PDGFRL: variants seen among roughly 807,000 people sequenced by gnomAD.
The protein encoded by PDGFRL is platelet derived growth factor receptor like.
A neutral mutation model predicts 37.2 loss-of-function variants in PDGFRL; 46 were observed. The observed-to-expected ratio is 1.24, with a 90% CI of 0.98 to 1.58. PDGFRL has a LOEUF of 1.58. PDGFRL is among the 40% of genes most tolerant of loss of function. The pLI is 0.00. For missense variants in PDGFRL, 692 were observed against 467.6 expected (o/e 1.48, Z -4.43); for synonymous variants, 251 against 184.3 (o/e 1.36, Z -2.93).
Position 17,643,062 on chromosome 8 carries a change from C to A in PDGFRL, c.*261C>A. ...TTCCTAGTTTTTATACATGTGTAAACAATTTTATATAATCAATCATTTCTA... is the reference window on the plus strand; with the variant it reads ...TTCCTAGTTTTTATACATGTGTAAAAAATTTTATATAATCAATCATTTCTA... On this transcript the variant is annotated 3_prime_UTR_variant, in exon 6 of 6. Coordinates refer to ENST00000251630, the MANE Select transcript of PDGFRL (RefSeq NM_001372073.1). 1 of 366,406 alleles carries A rather than the reference C, an allele frequency of 2.7e-6. No homozygotes were observed. Among genetic ancestry groups the A allele is most frequent in the Non-Finnish European group, 4.8e-6 (1 of 206,460 alleles). The allele number at this position is 366,406 out of a possible 1,614,324, so 22.7% of individuals were successfully genotyped here.
chr8:17,589,534 C>T lies in PDGFRL; in HGVS notation c.122C>T (p.Thr41Ile). The T allele has an allele frequency of 6.2e-7, 1 of 1,613,728 alleles. No individual in the cohort carries two copies. Among genetic ancestry groups the T allele is most frequent in the African/African-American group, 1.3e-5 (1 of 75,008 alleles). Reference sequence around the variant, plus strand: ...CCAGGAGAGAATAGAATCAAACCTACCAACAAGAAGGTGAAGCCCAAAATT... The same window carrying T: ...CCAGGAGAGAATAGAATCAAACCTATCAACAAGAAGGTGAAGCCCAAAATT... ...KEPGENRIKP[T>I]NKKVKPKIPK... Residue 41 changes from threonine to isoleucine, a missense_variant, in exon 2 of 6, where the codon ACC (threonine) becomes ATC (isoleucine). Coordinates refer to ENST00000251630, the MANE Select transcript of PDGFRL (RefSeq NM_001372073.1).
At chr8:17,580,325 GAAAA>G (rs71517660) in intron 1 of PDGFRL, among the ~76,000 whole-genome samples, 1 of 149,086 alleles carries the variant, frequency 6.7e-6, no homozygotes, top group African/African-American at 2.5e-5. Flanking sequence ...TTATTTTTGA[GAAAA>G]AAAAAGAGTA....
At chr8:17,623,662 G>T (rs186528334) in intron 3 of PDGFRL, among the ~76,000 whole-genome samples, 1 of 152,196 alleles carries the variant, frequency 6.6e-6, no homozygotes, top group Non-Finnish European at 1.5e-5. Context: ...ATCACCTGAG[G>T]TCAGGAGTTC....
intron 4 of PDGFRL, 133 bp downstream of exon 4, chr8:17,628,913 GTTTTT>G (rs570204623): frequency 1.6e-6 from 1 of 616,308 alleles, no homozygotes; most frequent in African/African-American, 1.9e-5. Context: ...GGTTGTTGTT[GTTTTT>G]TTTTCTCTTT....
intron 1 of PDGFRL, among the ~76,000 whole-genome samples, chr8:17,586,534 C>G (rs989113430): frequency 2.6e-5 from 4 of 152,202 alleles, no homozygotes; most frequent in Non-Finnish European, 4.4e-5. Flanking sequence ...TGTTTTTTCA[C>G]TACCTTCTTG....
chr8:17,598,906 C>G (rs1041047628), intron 2 of PDGFRL, among the ~76,000 whole-genome samples: 1 of 152,144 alleles, frequency 6.6e-6, no homozygotes, highest in Non-Finnish European at 1.5e-5. Flanking sequence ...GTAAGACATC[C>G]CTTGCTCTTC....
At chr8:17,628,913 G>GA (rs1554554659) in intron 4 of PDGFRL, 133 bp downstream of exon 4, 3 of 625,328 alleles carry the variant, frequency 4.8e-6, no homozygotes, top group Non-Finnish European at 8.3e-6. Context: ...GGTTGTTGTT[G>GA]TTTTTTTTTC....
At chr8:17,631,686 G>A (rs368375031) in intron 4 of PDGFRL, among the ~76,000 whole-genome samples, 21 of 152,176 alleles carry the variant, frequency 1.4e-4, no homozygotes, top group African/African-American at 3.6e-4. Context: ...TATTGCCAAG[G>A]TACTCGGGGA....
At chr8:17,640,584 C>G (rs1585340786) in intron 5 of PDGFRL, among the ~76,000 whole-genome samples, 1 of 152,264 alleles carries the variant, frequency 6.6e-6, no homozygotes, top group Middle Eastern at 3.4e-3. Flanking sequence ...TTACTGGGCT[C>G]TGGGCTGGTA....
At chr8:17,592,547 C>A (rs1212910735) in intron 2 of PDGFRL, among the ~76,000 whole-genome samples, 2 of 152,206 alleles carry the variant, frequency 1.3e-5, no homozygotes, top group African/African-American at 4.8e-5. Flanking sequence ...GGAGTCACCT[C>A]TAATCTCGAT....
intron 2 of PDGFRL, among the ~76,000 whole-genome samples, chr8:17,598,420 G>T (rs1238677310): frequency 6.6e-6 from 1 of 152,306 alleles, no homozygotes; most frequent in Middle Eastern, 3.4e-3. Flanking sequence ...TTTATCATCA[G>T]ATTCCTAGCA....
At chr8:17,635,704 T>A (rs1585337010) in intron 5 of PDGFRL, among the ~76,000 whole-genome samples, 1 of 152,212 alleles carries the variant, frequency 6.6e-6, no homozygotes, top group East Asian at 1.9e-4. Flanking sequence ...TCTCCACAGT[T>A]TTCCATAGTG....
At chr8:17,579,479 A>G (rs1197135819) in intron 1 of PDGFRL, among the ~76,000 whole-genome samples, 7 of 151,882 alleles carry the variant, frequency 4.6e-5, no homozygotes. Context: ...AAGGTCCATG[A>G]CTCAACTTGT....
chr8:17,599,790 G>A (rs1804129220), intron 2 of PDGFRL, among the ~76,000 whole-genome samples: 2 of 152,164 alleles, frequency 1.3e-5, no homozygotes, highest in Admixed American at 1.3e-4. Flanking sequence ...ATCACCTTAA[G>A]TTTCTCTGAT....
chr8:17,618,393 C>T (rs2283104), intron 2 of PDGFRL, among the ~76,000 whole-genome samples: 76,836 of 152,064 alleles, frequency 0.51, 20,467 homozygotes, highest in Middle Eastern at 0.63. Flanking sequence ...CTAACTATCC[C>T]CAGTGCTGCA....
At chr8:17,621,812 C>A (rs979813917) in intron 3 of PDGFRL, among the ~76,000 whole-genome samples, 2 of 152,082 alleles carry the variant, frequency 1.3e-5, no homozygotes, top group Non-Finnish European at 2.9e-5. Flanking sequence ...CACTAAAGAC[C>A]TCCCATTTGT....
chr8:17,580,547 A>G (rs1803684561), intron 1 of PDGFRL, among the ~76,000 whole-genome samples: 1 of 152,136 alleles, frequency 6.6e-6, no homozygotes, highest in African/African-American at 2.4e-5. Context: ...ATGGTTTTCA[A>G]ACCTAGACAA....
intron 2 of PDGFRL, among the ~76,000 whole-genome samples, chr8:17,614,433 C>T (rs1286600065): frequency 6.6e-6 from 1 of 152,160 alleles, no homozygotes; most frequent in African/African-American, 2.4e-5. Flanking sequence ...ACAGGAAATA[C>T]AGGCCCTGTG....
intron 3 of PDGFRL, among the ~76,000 whole-genome samples, chr8:17,628,138 C>G (rs367659711): frequency 1.5e-4 from 22 of 150,936 alleles, no homozygotes; most frequent in African/African-American, 4.9e-4. Flanking sequence ...GGACTACAGG[C>G]GCCCGCCACC....
Sources: gnomAD v4.1 joint callset for allele counts (sites outside exome capture counted in the v4.1 genomes callset) on GRCh38, gnomAD v4.1.1 for gene constraint, MANE v1.5 for transcripts, NCBI Gene and HGNC (gene_info 2026-07-23, HGNC 2026-07-21) for gene names.